MCPH1: variants seen among roughly 807,000 people sequenced by gnomAD.
MCPH1 encodes microcephalin.
MCPH1 carries 104 observed loss-of-function variants against 84.5 expected under a neutral mutation model. The observed-to-expected ratio is 1.23, with a 90% CI of 1.05 to 1.45. The LOEUF (loss-of-function observed/expected upper bound fraction) is 1.45, where lower values mean the gene tolerates loss of function less well. Ranked by LOEUF, MCPH1 falls within the 40% of genes most tolerant of loss-of-function variation. MCPH1 has a pLI of 0.00. For synonymous variants in MCPH1, 514 were observed against 366.8 expected, an observed-to-expected ratio of 1.40 and a Z score of -4.58; for missense variants, 1,498 against 1,005.7, an observed-to-expected ratio of 1.49 and a Z score of -6.62.
intron 13 of MCPH1, among the ~76,000 whole-genome samples, chr8:6,639,175 G>A (rs1287215847): frequency 6.6e-6 from 1 of 152,186 alleles, no homozygotes; most frequent in Non-Finnish European, 1.5e-5. Context: ...ATGGGTGGAT[G>A]GTTGGATGGA....
intron 12 of MCPH1, chr8:6,501,694 T>G (rs192837880): frequency 6.6e-6 from 1 of 152,154 alleles, no homozygotes; most frequent in Admixed American, 6.6e-5. Context: ...TAGCTGGGAT[T>G]ACAGGTGCCC....
chr8:6,488,763 G>C (rs890330290), intron 11 of MCPH1, among the ~76,000 whole-genome samples: 2 of 152,080 alleles, frequency 1.3e-5, no homozygotes, highest in Non-Finnish European at 2.9e-5. Flanking sequence ...TAATTACAGA[G>C]TGGCAGCTTT....
At chr8:6,593,219 G>C (rs1460906121) in intron 12 of MCPH1, among the ~76,000 whole-genome samples, 2 of 145,142 alleles carry the variant, frequency 1.4e-5, no homozygotes, top group African/African-American at 5.2e-5. Flanking sequence ...AAGTAGCTGG[G>C]ATTACAGGCA....
intron 12 of MCPH1, among the ~76,000 whole-genome samples, chr8:6,610,697 A>C (rs73661439): frequency 0.014 from 2,082 of 152,256 alleles, 46 homozygotes; most frequent in African/African-American, 0.047. Flanking sequence ...AGAAGGATGC[A>C]TTTTCAAGTC....
intron 12 of MCPH1, among the ~76,000 whole-genome samples, chr8:6,513,433 C>A (rs2979669): frequency 6.6e-6 from 1 of 151,340 alleles, no homozygotes; most frequent in South Asian, 2.1e-4. Context: ...CCCGGGTTCA[C>A]GCCATTCTTC....
intron 12 of MCPH1, among the ~76,000 whole-genome samples, chr8:6,587,033 C>T (rs1487749205): frequency 6.6e-6 from 1 of 151,670 alleles, no homozygotes; most frequent in African/African-American, 2.4e-5. Context: ...TCATTCGGCT[C>T]AGCGCTAGGG....
chr8:6,641,836 A>G (rs1206116111), intron 13 of MCPH1, among the ~76,000 whole-genome samples: 5 of 152,228 alleles, frequency 3.3e-5, no homozygotes, highest in Non-Finnish European at 7.3e-5. Flanking sequence ...ATATTGTTAT[A>G]ATTATATACA....
chr8:6,459,596 T>C (rs1806055771), intron 9 of MCPH1, among the ~76,000 whole-genome samples: 1 of 152,206 alleles, frequency 6.6e-6, no homozygotes, highest in Non-Finnish European at 1.5e-5. Context: ...ATGCCTCTAC[T>C]AGAATGGAGA....
At chr8:6,637,506 C>G (rs1446158041) in intron 13 of MCPH1, among the ~76,000 whole-genome samples, 1 of 152,164 alleles carries the variant, frequency 6.6e-6, no homozygotes, top group Non-Finnish European at 1.5e-5. Flanking sequence ...GCTGGAGAAG[C>G]AGGCAGCTTC....
chr8:6,444,376 C>T lies in MCPH1; in HGVS notation c.671-17C>T, dbSNP rs750105289. 1.9e-6 allele frequency: 3 copies of T among 1,613,840 alleles called. No individual in the cohort carries two copies. The highest frequency in any genetic ancestry group is 1.7e-5 in the Admixed American group (1 of 60,024). On this transcript the variant is annotated splice_polypyrimidine_tract_variant and intron_variant, in intron 7 of 13. Transcript: ENST00000344683. ...TAAACCACTTTTAAAAGTTAGCTCTCCGTTAATGTTTTCCAGATGAATACT... is the reference window on the plus strand; with the variant it reads ...TAAACCACTTTTAAAAGTTAGCTCTTCGTTAATGTTTTCCAGATGAATACT...
intron 12 of MCPH1, among the ~76,000 whole-genome samples, chr8:6,566,938 G>T (rs1283082716): frequency 2.7e-5 from 4 of 148,238 alleles, no homozygotes; most frequent in Admixed American, 6.6e-5. Flanking sequence ...ACGCGGTGCG[G>T]TGACCGTGTG....
At chr8:6,520,450 G>T (rs1397248459) in intron 12 of MCPH1, among the ~76,000 whole-genome samples, 6 of 152,120 alleles carry the variant, frequency 3.9e-5, no homozygotes, top group Non-Finnish European at 7.3e-5. Context: ...ATAGTGGGGT[G>T]CAGTGACACA....
At chr8:6,579,981 G>A (rs758091206) in intron 12 of MCPH1, among the ~76,000 whole-genome samples, 4 of 152,210 alleles carry the variant, frequency 2.6e-5, no homozygotes, top group African/African-American at 4.8e-5. Context: ...GAAACTAAAT[G>A]TGGCTGCCCC....
intron 2 of MCPH1, among the ~76,000 whole-genome samples, chr8:6,409,602 C>G (rs140099340): frequency 4.1e-4 from 62 of 152,176 alleles, no homozygotes; most frequent in African/African-American, 1.4e-3. Flanking sequence ...ATGCTGGATT[C>G]TTACACTGGT....
intron 13 of MCPH1, chr8:6,627,410 C>T: frequency 2.4e-6 from 1 of 414,786 alleles, no homozygotes; most frequent in Non-Finnish European, 3.2e-6. Context: ...CAGGTTTCCA[C>T]ACCCAGGAGC....
At chr8:6,464,265 C>T (rs538809660) in intron 9 of MCPH1, among the ~76,000 whole-genome samples, 6 of 152,148 alleles carry the variant, frequency 3.9e-5, no homozygotes, top group South Asian at 2.1e-4. Context: ...CTGGCAGTGG[C>T]GGGGATGTGC....
chr8:6,458,040 A>T (rs981043953), intron 9 of MCPH1, among the ~76,000 whole-genome samples: 12 of 152,302 alleles, frequency 7.9e-5, no homozygotes, highest in Middle Eastern at 3.4e-3. Flanking sequence ...TGCAAAGCAG[A>T]GTTTGGAAAC....
In MCPH1 at chr8:6,488,139, G is replaced by A. The variant is rs368544809; in HGVS notation, c.2136+7263G>A. ...GTGCCAGAGCTCATTCTCTGCGGAG[G>A]CTCCTGCAGGCTGCGGCAGCGTGGC... On this transcript the variant is annotated intron_variant, in intron 11 of 13. Coordinates refer to ENST00000344683, the MANE Select transcript of MCPH1 (RefSeq NM_024596.5). Among the ~76,000 whole-genome samples the A allele has an allele frequency of 1.0e-3, 154 of 152,350 alleles. 2 individuals are homozygous for A. Among genetic ancestry groups the A allele is most frequent in the African/African-American group, 3.7e-3 (152 of 41,578 alleles).
intron 12 of MCPH1, among the ~76,000 whole-genome samples, chr8:6,602,230 C>T (rs370382492): frequency 6.6e-6 from 1 of 152,190 alleles, no homozygotes. Flanking sequence ...AGGGGCCAGC[C>T]CGTGGGGAGC....
Sources: allele counts gnomAD v4.1 joint callset (sites outside exome capture counted in the v4.1 genomes callset), GRCh38; gene constraint gnomAD v4.1.1; transcripts MANE v1.5; gene names NCBI Gene and HGNC (gene_info 2026-07-23, HGNC 2026-07-21).